The following PPFIBP1 variants were observed in gnomAD, a reference collection of about 807,000 sequenced individuals.
PPFIBP1 encodes PPFIB scaffold protein 1.
Under a neutral mutation model 137.8 loss-of-function variants are expected in PPFIBP1, and 112 were observed. The observed-to-expected ratio is 0.81, with a 90% CI of 0.70 to 0.95. The LOEUF (loss-of-function observed/expected upper bound fraction) is 0.95, where lower values mean the gene tolerates loss of function less well. Among genes scored for constraint, PPFIBP1 ranks in the 40% least tolerant of loss-of-function variants. The probability of loss-of-function intolerance (pLI) is 0.00; values close to 1 mark genes in which losing one functional copy is unlikely to be tolerated. For synonymous variants in PPFIBP1, 378 were observed against 417.3 expected, an observed-to-expected ratio of 0.91 and a Z score of 1.15; for missense variants, 1,083 against 1,196.6, an observed-to-expected ratio of 0.91 and a Z score of 1.40.
chr12:27,635,326 T>A, intron 4 of PPFIBP1: 1 of 605,610 alleles, frequency 1.7e-6, no homozygotes, highest in Non-Finnish European at 2.9e-6. Flanking sequence ...CAACAACAGG[T>A]CACCTGATTC....
intron 13 of PPFIBP1, among the ~76,000 whole-genome samples, chr12:27,669,169 G>A (rs917109462): frequency 2.0e-5 from 3 of 152,186 alleles, no homozygotes; most frequent in Admixed American, 6.5e-5. Flanking sequence ...TACACAACAA[G>A]AAGATGAAAT....
chr12:27,641,946 AAAATAAATAAATAAAT>A (rs55663709), intron 4 of PPFIBP1, among the ~76,000 whole-genome samples: 18 of 147,900 alleles, frequency 1.2e-4, no homozygotes, highest in African/African-American at 7.4e-5. Flanking sequence ...TGCAACTGCA[AAAATAAATAAATAAAT>A]AAATAAATAA....
At chr12:27,536,077 G>C (rs1231489961) in intron 1 of PPFIBP1, among the ~76,000 whole-genome samples, 1 of 152,178 alleles carries the variant, frequency 6.6e-6, no homozygotes, top group Non-Finnish European at 1.5e-5. Flanking sequence ...GGTTCAAATG[G>C]AAGTCATTGC....
chr12:27,571,448 G>C (rs1187167287), intron 1 of PPFIBP1, among the ~76,000 whole-genome samples: 1 of 152,094 alleles, frequency 6.6e-6, no homozygotes, highest in African/African-American at 2.4e-5. Context: ...GAGGGAAAAT[G>C]GGGGAGGAGA....
At chr12:27,638,200 T>C (rs2057824753) in intron 4 of PPFIBP1, among the ~76,000 whole-genome samples, 1 of 152,208 alleles carries the variant, frequency 6.6e-6, no homozygotes, top group Non-Finnish European at 1.5e-5. Context: ...TTAAAATGGT[T>C]AAAATGCTAA....
intron 4 of PPFIBP1, among the ~76,000 whole-genome samples, chr12:27,645,653 G>A (rs1414331665): frequency 6.6e-6 from 1 of 152,184 alleles, no homozygotes; most frequent in Non-Finnish European, 1.5e-5. Context: ...GCTAGTCTGC[G>A]CTACCAGGGG....
chr12:27,653,400 A>G (rs1401866349), intron 7 of PPFIBP1, among the ~76,000 whole-genome samples: 9 of 152,106 alleles, frequency 5.9e-5, no homozygotes, highest in Non-Finnish European at 4.4e-5. Context: ...AGCCAGGTCA[A>G]CATGGTAAAA....
intron 2 of PPFIBP1, among the ~76,000 whole-genome samples, chr12:27,614,902 A>C (rs2055575643): frequency 6.6e-6 from 1 of 152,222 alleles, no homozygotes; most frequent in Non-Finnish European, 1.5e-5. Flanking sequence ...GAAACAGAAA[A>C]ATTCCATGCT....
intron 1 of PPFIBP1, among the ~76,000 whole-genome samples, chr12:27,577,028 G>A (rs143245736): frequency 0.016 from 2,507 of 152,206 alleles, 68 homozygotes; most frequent in African/African-American, 0.057. Context: ...TGGGATTGGT[G>A]TGTATATATG....
intron 2 of PPFIBP1, among the ~76,000 whole-genome samples, chr12:27,618,872 A>T (rs1423814481): frequency 2.0e-5 from 3 of 152,216 alleles, no homozygotes; most frequent in South Asian, 2.1e-4. Context: ...GTGGGTCTTT[A>T]GTCCTTAAAA....
intron 4 of PPFIBP1, chr12:27,637,001 G>A (rs183046088): frequency 5.3e-5 from 8 of 152,288 alleles, no homozygotes; most frequent in African/African-American, 1.9e-4. Context: ...TTCTCCTGGT[G>A]TTTACTCAAA....
chr12:27,691,297 C>T (rs1010096), intron 27 of PPFIBP1, among the ~76,000 whole-genome samples: 98,306 of 151,512 alleles, frequency 0.65, 33,129 homozygotes, highest in Middle Eastern at 0.77. Flanking sequence ...ACTATGAAGC[C>T]AGGTGCAGTG....
chr12:27,525,940 G>C (rs889820290), intron 1 of PPFIBP1, among the ~76,000 whole-genome samples: 2 of 152,158 alleles, frequency 1.3e-5, no homozygotes, highest in Non-Finnish European at 2.9e-5. Context: ...AGGAAAATTC[G>C]CTTTATTGGA....
At position 27,660,955 on chromosome 12, in the gene PPFIBP1, T is replaced by C. The variant is rs370665460; in HGVS notation, c.906+10T>C. The C allele has an allele frequency of 7.4e-6, 12 of 1,612,438 alleles. No individual in the cohort carries two copies. In the African/African-American group the frequency reaches 8.0e-5, roughly 11 times the overall value. ...AGCAAATGAAGAAAAGGTATCCAGA[T>C]GAAATTTAAATATACGTGTGGATGT... On this transcript the variant is annotated intron_variant, in intron 11 of 29. Transcript: ENST00000228425.
Position 27,543,347 on chromosome 12 carries a change from G to C in PPFIBP1, c.-124+18982G>C, listed in dbSNP as rs565262077. The stretch of plus-strand genomic sequence containing the variant: ...GGGAATCCTCTTTAAATGTGTCCTG[G>C]ACCTTCTTATTTTTTTATCCCTGCT... On this transcript the variant is annotated intron_variant, in intron 1 of 29. Transcript: ENST00000228425. Among the ~76,000 whole-genome samples, 8 of 152,138 alleles carry C rather than the reference G, an allele frequency of 5.3e-5. No individual in the cohort carries two copies. The South Asian group carries it at 1.7e-3, about 32-fold the overall frequency.
chr12:27,618,287 C>G (rs1336043502), intron 2 of PPFIBP1, among the ~76,000 whole-genome samples: 2 of 152,158 alleles, frequency 1.3e-5, no homozygotes, highest in African/African-American at 4.8e-5. Flanking sequence ...CAAGGGCATT[C>G]CAAAGTTAAC....
intron 1 of PPFIBP1, among the ~76,000 whole-genome samples, chr12:27,542,900 T>C (rs1945823914): frequency 6.6e-6 from 1 of 152,178 alleles, no homozygotes; most frequent in Admixed American, 6.5e-5. Context: ...TTACACATAG[T>C]TGAGATTTTT....
intron 15 of PPFIBP1, among the ~76,000 whole-genome samples, chr12:27,673,464 C>T (rs1378038984): frequency 3.3e-5 from 5 of 152,168 alleles, no homozygotes; most frequent in African/African-American, 1.2e-4. Flanking sequence ...CAGCACTAGT[C>T]CATGGAAAAC....
At chr12:27,548,909 T>A (rs1191997528) in intron 1 of PPFIBP1, 1 of 152,214 alleles carries the variant, frequency 6.6e-6, no homozygotes, top group Non-Finnish European at 1.5e-5. Flanking sequence ...CTAACCTGTT[T>A]CCATTATGGG....
Sources: gnomAD v4.1 joint callset for allele counts (sites outside exome capture counted in the v4.1 genomes callset) on GRCh38, gnomAD v4.1.1 for gene constraint, MANE v1.5 for transcripts, NCBI Gene and HGNC (gene_info 2026-07-23, HGNC 2026-07-21) for gene names.